MLLT3: variants seen among roughly 807,000 people sequenced by gnomAD.
MLLT3 encodes the protein MLLT3 super elongation complex subunit, also known as protein AF-9.
A neutral mutation model predicts 53.2 loss-of-function variants in MLLT3; 4 were observed. That is an observed-to-expected ratio of 0.08 (90% confidence interval 0.04 to 0.17). MLLT3 has a LOEUF of 0.17. MLLT3 is among the 10% of genes least tolerant of loss of function. The pLI is 1.00. For synonymous variants in MLLT3, 283 were observed against 230.6 expected (o/e 1.23, Z -2.06); for missense variants, 569 against 684.0 (o/e 0.83, Z 1.87).
At chr9:20,520,846 T>C (rs954187670) in intron 2 of MLLT3, among the ~76,000 whole-genome samples, 3 of 152,152 alleles carry the variant, frequency 2.0e-5, no homozygotes, top group East Asian at 1.9e-4. Context: ...ATGCTGGCCA[T>C]GGCCACGGCT....
intron 2 of MLLT3, among the ~76,000 whole-genome samples, chr9:20,494,958 G>A (rs1369795617): frequency 1.3e-5 from 2 of 152,044 alleles, no homozygotes; most frequent in African/African-American, 4.8e-5. Flanking sequence ...AGGGTAATTT[G>A]CATCTGGATG....
rs1457903503 is a variant in MLLT3 at position 20,544,299 on chromosome 9, T to C, written c.193+76355A>G. Among the ~76,000 whole-genome samples the C allele has an allele frequency of 2.6e-5, 4 of 152,066 alleles. No homozygotes were observed. In the South Asian group the frequency reaches 8.3e-4, roughly 31 times the overall value. On this transcript the variant is annotated intron_variant, in intron 2 of 10. Transcript: ENST00000380338. The stretch of plus-strand genomic sequence containing the variant: ...AAAAGTATAGGCAACGAAGCAAAAG[T>C]AGACTAATGGGACTATATATACCAC...
intron 2 of MLLT3, among the ~76,000 whole-genome samples, chr9:20,595,497 T>C (rs1330622533): frequency 1.3e-5 from 2 of 152,118 alleles, no homozygotes; most frequent in African/African-American, 2.4e-5. Flanking sequence ...CAGGAAACAT[T>C]TGTCACAATA....
At chr9:20,512,711 C>T (rs1259766541) in intron 2 of MLLT3, among the ~76,000 whole-genome samples, 2 of 152,082 alleles carry the variant, frequency 1.3e-5, no homozygotes, top group East Asian at 3.8e-4. Flanking sequence ...TTTCAAGAAA[C>T]TTTGTTCCCA....
At chr9:20,350,181 C>T (rs919886273) in intron 10 of MLLT3, among the ~76,000 whole-genome samples, 3 of 152,224 alleles carry the variant, frequency 2.0e-5, no homozygotes, top group Admixed American at 6.5e-5. Context: ...TGCCTTTCTA[C>T]AGGAATACCC....
chr9:20,429,336 C>CCAGCCTGGGCAACAGGGTGA, intron 4 of MLLT3, among the ~76,000 whole-genome samples: 1 of 152,172 alleles, frequency 6.6e-6, no homozygotes, highest in African/African-American at 2.4e-5. Context: ...CCACTGCACT[C>CCAGCCTGGGCAACAGGGTGA]CAGCCTGGGC....
chr9:20,564,789 G>GTGCT (rs1461417539), intron 2 of MLLT3, among the ~76,000 whole-genome samples: 1 of 152,178 alleles, frequency 6.6e-6, no homozygotes, highest in Non-Finnish European at 1.5e-5. Context: ...CTATTAAATA[G>GTGCT]TGCTGATTTT....
intron 2 of MLLT3, among the ~76,000 whole-genome samples, chr9:20,594,075 G>T (rs1820192035): frequency 6.6e-6 from 1 of 151,430 alleles, no homozygotes; most frequent in South Asian, 2.1e-4. Context: ...CAATTAGCTG[G>T]GATTACAGAC....
intron 2 of MLLT3, among the ~76,000 whole-genome samples, chr9:20,498,301 G>A (rs1036888853): frequency 1.4e-5 from 2 of 145,596 alleles, no homozygotes; most frequent in African/African-American, 5.0e-5. Context: ...CCAGTACTTG[G>A]TGTGGTCAGT....
At chr9:20,529,339 G>A (rs896373394) in intron 2 of MLLT3, among the ~76,000 whole-genome samples, 5 of 152,070 alleles carry the variant, frequency 3.3e-5, no homozygotes, top group African/African-American at 4.8e-5. Flanking sequence ...ACCTCTTCTC[G>A]TTAGGGAGAA....
intron 2 of MLLT3, among the ~76,000 whole-genome samples, chr9:20,487,354 C>T (rs1028835873): frequency 6.6e-6 from 1 of 152,076 alleles, no homozygotes; most frequent in African/African-American, 2.4e-5. Flanking sequence ...AGGACTTTTG[C>T]TACTAGGATG....
Position 20,448,105 on chromosome 9 carries a change from C to T in MLLT3, c.420+18G>A, listed in dbSNP as rs780176132. ...TGTTTTTTAATAGGAATGCTTTTCA[C>T]AAGAGAGTGCCACTTACCCCTCCTG... On this transcript the variant is annotated intron_variant, in intron 4 of 10. Coordinates refer to ENST00000380338, the MANE Select transcript of MLLT3 (RefSeq NM_004529.4). This position sits in a 1 kb window ranked among gnomAD's most constrained non-coding sequence, Gnocchi z 4.0. The T allele has an allele frequency of 6.3e-7, 1 of 1,598,840 alleles. No homozygotes were observed. Among genetic ancestry groups the T allele is most frequent in the South Asian group, 1.1e-5 (1 of 87,422 alleles).
intron 2 of MLLT3, among the ~76,000 whole-genome samples, chr9:20,460,035 AG>A (rs1644741480): frequency 6.6e-6 from 1 of 152,242 alleles, no homozygotes; most frequent in South Asian, 2.1e-4. Context: ...AATTAGTATG[AG>A]TTTCTTAGTT....
At chr9:20,459,585 C>A (rs1389447908) in intron 2 of MLLT3, among the ~76,000 whole-genome samples, 1 of 152,194 alleles carries the variant, frequency 6.6e-6, no homozygotes, top group Non-Finnish European at 1.5e-5. Context: ...TGGGCTGCTG[C>A]ACATGCCAGA....
intron 4 of MLLT3, among the ~76,000 whole-genome samples, chr9:20,431,200 A>G (rs966618424): frequency 6.6e-6 from 1 of 152,180 alleles, no homozygotes; most frequent in African/African-American, 2.4e-5. Context: ...TAGGTATACA[A>G]TATAAGACAG....
chr9:20,436,063 C>A (rs1394492878), intron 4 of MLLT3, among the ~76,000 whole-genome samples: 1 of 152,134 alleles, frequency 6.6e-6, no homozygotes, highest in East Asian at 1.9e-4. Context: ...AATATCTAAG[C>A]ACTCAAAGAA....
chr9:20,443,260 G>A (rs949213396), intron 4 of MLLT3, among the ~76,000 whole-genome samples: 22 of 152,030 alleles, frequency 1.4e-4, no homozygotes. Flanking sequence ...AAAAGAAACT[G>A]CAAAATAAAC....
chr9:20,508,347 A>G (rs537632070), intron 2 of MLLT3, among the ~76,000 whole-genome samples: 1 of 152,306 alleles, frequency 6.6e-6, no homozygotes, highest in African/African-American at 2.4e-5. Flanking sequence ...TGCATCATGT[A>G]TCCTCAGGAG....
chr9:20,573,992 T>C (rs1484602528), intron 2 of MLLT3, among the ~76,000 whole-genome samples: 1 of 152,230 alleles, frequency 6.6e-6, no homozygotes, highest in Admixed American at 6.5e-5. Context: ...GGTGACTGGT[T>C]ACTCCTATTA....
Sources: allele counts gnomAD v4.1 joint callset (sites outside exome capture counted in the v4.1 genomes callset), GRCh38; gene constraint gnomAD v4.1.1; non-coding constraint Gnocchi (gnomAD v3.1); transcripts MANE v1.5; gene names NCBI Gene and HGNC (gene_info 2026-07-23, HGNC 2026-07-21).